Variants in CCDC88C observed in about 807,000 individuals in gnomAD.
CCDC88C encodes protein Daple.
Under a neutral mutation model 198.8 loss-of-function variants are expected in CCDC88C, and 131 were observed. The ratio of observed to expected loss-of-function variants is 0.66; its 90% CI spans 0.57 to 0.76. The LOEUF (loss-of-function observed/expected upper bound fraction) is 0.76. Ranked by LOEUF, CCDC88C falls within the 30% of genes least tolerant of loss-of-function variation. The pLI is 0.00. For synonymous variants in CCDC88C, 1,166 were observed against 1,114.7 expected (o/e 1.05, Z -0.92); for missense variants, 2,553 against 2,631.6 (o/e 0.97, Z 0.65).
intron 19 of CCDC88C, among the ~76,000 whole-genome samples, chr14:91,304,300 C>A (rs1891469087): frequency 6.6e-6 from 1 of 152,226 alleles, no homozygotes; most frequent in African/African-American, 2.4e-5. Context: ...AACCTCTTTT[C>A]AGCTGACTGT....
chr14:91,388,528 G>A (rs1048835984), intron 3 of CCDC88C, among the ~76,000 whole-genome samples: 1 of 152,188 alleles, frequency 6.6e-6, no homozygotes, highest in Non-Finnish European at 1.5e-5. Flanking sequence ...TTTCCTGAGT[G>A]ACCTGAGCTA....
Position 91,370,366 on chromosome 14 carries a change from G to C in CCDC88C, c.271-10655C>G, listed in dbSNP as rs116607032. Among the ~76,000 whole-genome samples the C allele has an allele frequency of 8.6e-3, 1,317 of 152,326 alleles. 19 individuals carry two copies. The highest frequency in any genetic ancestry group is 0.03 in the African/African-American group (1,265 of 41,554). ...CTCACCAGCAGGCAAGTGCCCACGCGTCCAGAAGAACTCAGGGAACCCGGC... is the reference window on the plus strand; with the variant it reads ...CTCACCAGCAGGCAAGTGCCCACGCCTCCAGAAGAACTCAGGGAACCCGGC... On this transcript the variant is annotated intron_variant, in intron 3 of 29. Coordinates refer to ENST00000389857, the MANE Select transcript of CCDC88C (RefSeq NM_001080414.4).
At chr14:91,387,839 G>C (rs1055572162) in intron 3 of CCDC88C, among the ~76,000 whole-genome samples, 1 of 152,316 alleles carries the variant, frequency 6.6e-6, no homozygotes, top group East Asian at 1.9e-4. Flanking sequence ...TTTTCTTGTT[G>C]GCTAAACGAG....
intron 23 of CCDC88C, among the ~76,000 whole-genome samples, chr14:91,291,786 A>G (rs149314515): frequency 0.015 from 2,273 of 152,276 alleles, 35 homozygotes; most frequent in Middle Eastern, 0.024. Context: ...TTGGAAATTG[A>G]GCCACTTTTC....
At chr14:91,290,844 C>G in intron 24 of CCDC88C, 151 bp downstream of exon 24, 1 of 605,586 alleles carries the variant, frequency 1.7e-6, no homozygotes, top group Non-Finnish European at 3.0e-6. Flanking sequence ...CAGAGGCAGG[C>G]TGGAAGGATT....
chr14:91,323,452 C>T (rs1396282700), intron 12 of CCDC88C, among the ~76,000 whole-genome samples: 1 of 152,226 alleles, frequency 6.6e-6, no homozygotes, highest in Non-Finnish European at 1.5e-5. Context: ...CCCTAGGTCA[C>T]CCAGCTAACC....
chr14:91,391,939 C>T (rs1311107521), intron 3 of CCDC88C, among the ~76,000 whole-genome samples: 1 of 151,974 alleles, frequency 6.6e-6, no homozygotes, highest in Non-Finnish European at 1.5e-5. Context: ...CGGAGTCTTG[C>T]TCTGTCGCCC....
intron 3 of CCDC88C, among the ~76,000 whole-genome samples, chr14:91,393,474 C>A (rs1227706133): frequency 6.6e-6 from 1 of 152,172 alleles, no homozygotes; most frequent in East Asian, 1.9e-4. Flanking sequence ...ACGGCCCACA[C>A]CTCAGCCCCG....
chr14:91,377,904 G>A (rs1884541938), intron 3 of CCDC88C, among the ~76,000 whole-genome samples: 1 of 151,582 alleles, frequency 6.6e-6, no homozygotes, highest in South Asian at 2.1e-4. Flanking sequence ...CTCCTTCTAG[G>A]AAGGCTTCCC....
chr14:91,400,073 T>A (rs1166594977), intron 3 of CCDC88C, among the ~76,000 whole-genome samples: 1 of 151,024 alleles, frequency 6.6e-6, no homozygotes, highest in Non-Finnish European at 1.5e-5. Flanking sequence ...GGATCCCTGC[T>A]CCCCAGGCCT....
Position 91,338,768 on chromosome 14 carries a change from G to A in CCDC88C, c.810-198C>T, listed in dbSNP as rs116311311. 4.5e-3 allele frequency: 2,608 copies of A among 581,780 alleles called. 56 individuals are homozygous for A. Among genetic ancestry groups the A allele is most frequent in the African/African-American group, 0.043 (2,309 of 53,644 alleles). 36.0% of individuals were successfully genotyped at this position (581,780 alleles called of 1,614,324 possible). A position where few individuals can be genotyped will look rare whatever the true frequency, so the allele number is the denominator to read the frequency against. ...TTTCTTTTCATAAGTTTGCAACACC[G>A]GCCCTTAAACTATGTCCATCCGCCA... is the stretch of plus-strand genomic sequence containing the variant. On this transcript the variant is annotated intron_variant, in intron 8 of 29. Transcript: ENST00000389857. The surrounding 1 kb of genome is among the most constrained non-coding windows in gnomAD (Gnocchi z 4.8).
chr14:91,366,864 C>T (rs1159004850), intron 3 of CCDC88C, among the ~76,000 whole-genome samples: 1 of 152,204 alleles, frequency 6.6e-6, no homozygotes, highest in Non-Finnish European at 1.5e-5. Context: ...GTAAGGGCCT[C>T]CTGAAAAGAC....
At chr14:91,279,206 T>C in intron 28 of CCDC88C, 32 bp downstream of exon 28, 1 of 1,559,634 alleles carries the variant, frequency 6.4e-7, no homozygotes. Context: ...CCCAAATCAA[T>C]TTTTAAAAGT....
chr14:91,317,700 C>T (rs112068376), intron 13 of CCDC88C, among the ~76,000 whole-genome samples: 122 of 152,362 alleles, frequency 8.0e-4, no homozygotes, highest in African/African-American at 1.9e-3. Context: ...CTGCAAACAG[C>T]GGCCCCTCCC....
chr14:91,417,699 TGCGCCCGCCGGCTCC>T lies in CCDC88C; in HGVS notation c.-24_-10del. On this transcript the variant is annotated 5_prime_UTR_variant, in exon 1 of 30. Transcript: ENST00000389857. Reference sequence around the variant, plus strand: ...GAGACTGTCACGTCCATGCTGAGGCTGCGCCCGCCGGCTCCGCGCCCCCCGCCCCGCGTCCCCGTT... The same window carrying T: ...GAGACTGTCACGTCCATGCTGAGGCTGCGCCCCCCGCCCCGCGTCCCCGTT... 6.6e-7 allele frequency: 1 copy of T among 1,505,264 alleles called. No individual in the cohort carries two copies. Among genetic ancestry groups the T allele is most frequent in the Non-Finnish European group, 8.9e-7 (1 of 1,129,134 alleles). The allele number at this position is 1,505,264 out of a possible 1,614,324, so 93.2% of individuals were successfully genotyped here.
At chr14:91,378,764 T>C (rs1248867050) in intron 3 of CCDC88C, 2 of 152,238 alleles carry the variant, frequency 1.3e-5, no homozygotes, top group Non-Finnish European at 1.5e-5. Context: ...ATGCTATTTT[T>C]ACTAATATTT....
At position 91,283,495 on chromosome 14, in the gene CCDC88C, C is replaced by T; in HGVS notation, c.4464G>A (p.Lys1488=). The T allele has an allele frequency of 1.9e-6, 3 of 1,611,454 alleles. No individual in the cohort carries two copies. Among genetic ancestry groups the T allele is most frequent in the Non-Finnish European group, 1.7e-6 (2 of 1,178,914 alleles). Residue 1488 remains lysine (K), a synonymous_variant, in exon 26 of 30, where the codon AAG becomes AAA. Transcript: ENST00000389857. ...VGKGPGDLKP[K]RGSPHRGSLD... ...GGCTGCCTCTGTGTGGGGAGCCTCG[C>T]TTTGGTTTTAGATCCCCAGGGCCTG...
At chr14:91,285,509 G>A (rs547968527) in intron 25 of CCDC88C, 1 of 563,192 alleles carries the variant, frequency 1.8e-6, no homozygotes, top group Non-Finnish European at 2.9e-6. Context: ...CTTCTATTTT[G>A]AAATCAGAAT....
At chr14:91,334,678 G>A (rs1310837906) in intron 10 of CCDC88C, among the ~76,000 whole-genome samples, 1 of 152,150 alleles carries the variant, frequency 6.6e-6, no homozygotes, top group Non-Finnish European at 1.5e-5. Context: ...ATATAAACCT[G>A]GGCACACACT....
Sources: gnomAD v4.1 joint callset for allele counts (sites outside exome capture counted in the v4.1 genomes callset) on GRCh38, gnomAD v4.1.1 for gene constraint, Gnocchi (gnomAD v3.1) non-coding constraint, MANE v1.5 for transcripts, NCBI Gene and HGNC (gene_info 2026-07-23, HGNC 2026-07-21) for gene names.